MB21D2: variants seen among roughly 807,000 people sequenced by gnomAD.
The protein encoded by MB21D2 is Mab-21 domain containing 2.
MB21D2 carries 9 observed loss-of-function variants against 33.3 expected under a neutral mutation model. The observed-to-expected ratio is 0.27, with a 90% CI of 0.16 to 0.47. The LOEUF (loss-of-function observed/expected upper bound fraction) is 0.47, where lower values mean the gene tolerates loss of function less well. MB21D2 is among the 20% of genes least tolerant of loss of function. The pLI is 0.99. For missense variants in MB21D2, 540 were observed against 624.6 expected (o/e 0.86, Z 1.44); for synonymous variants, 241 against 236.3 (o/e 1.02, Z -0.18).
At chr3:192,806,624 G>A (rs1283401693) in intron 1 of MB21D2, among the ~76,000 whole-genome samples, 3 of 152,112 alleles carry the variant, frequency 2.0e-5, no homozygotes, top group Non-Finnish European at 4.4e-5. Flanking sequence ...TAGATTAGAA[G>A]GCACCCGCTT....
chr3:192,875,467 C>CTTG lies in MB21D2; in HGVS notation c.211+42160_211+42162dup, dbSNP rs1020765367. Among the ~76,000 whole-genome samples, 11 of 152,022 alleles carry CTTG rather than the reference C, an allele frequency of 7.2e-5. No individual in the cohort carries two copies. The South Asian group carries it at 1.0e-3, about 14-fold the overall frequency. ...AAAAGAACATAAAGCTTGAATTTTT[C>CTTG]TTGTTGTTGTTGTTGTTTTAGAAAG... On this transcript the variant is annotated intron_variant, in intron 1 of 1. Coordinates refer to ENST00000392452, the MANE Select transcript of MB21D2 (RefSeq NM_178496.4).
At chr3:192,856,174 A>C (rs776393443) in intron 1 of MB21D2, among the ~76,000 whole-genome samples, 1 of 152,040 alleles carries the variant, frequency 6.6e-6, no homozygotes, top group African/African-American at 2.4e-5. Context: ...TCAGGAGGAG[A>C]CTCTGATTGC....
chr3:192,829,947 T>C (rs1246364469), intron 1 of MB21D2, among the ~76,000 whole-genome samples: 1 of 152,182 alleles, frequency 6.6e-6, no homozygotes, highest in Non-Finnish European at 1.5e-5. Flanking sequence ...AGGCTAGTCT[T>C]GAACTCTTGG....
At chr3:192,824,003 A>C (rs977015323) in intron 1 of MB21D2, among the ~76,000 whole-genome samples, 9 of 152,240 alleles carry the variant, frequency 5.9e-5, no homozygotes, top group Non-Finnish European at 8.8e-5. Flanking sequence ...CTCAGTGAGT[A>C]CAAAAGACAA....
intron 1 of MB21D2, among the ~76,000 whole-genome samples, chr3:192,889,486 T>C (rs1326322897): frequency 6.6e-6 from 1 of 152,092 alleles, no homozygotes; most frequent in East Asian, 1.9e-4. Context: ...GATAGTGTTA[T>C]TCTTTTTAAA....
intron 1 of MB21D2, among the ~76,000 whole-genome samples, chr3:192,859,543 A>G (rs943683529): frequency 6.6e-6 from 1 of 152,126 alleles, no homozygotes; most frequent in Non-Finnish European, 1.5e-5. Context: ...AACATCCTAC[A>G]TGCACACTTT....
At chr3:192,827,550 A>T (rs1161318165) in intron 1 of MB21D2, among the ~76,000 whole-genome samples, 2 of 152,134 alleles carry the variant, frequency 1.3e-5, no homozygotes, top group Non-Finnish European at 2.9e-5. Context: ...AAGCCCTGTG[A>T]TGTAGGAATT....
At chr3:192,864,655 C>T (rs974635715) in intron 1 of MB21D2, among the ~76,000 whole-genome samples, 3 of 152,096 alleles carry the variant, frequency 2.0e-5, no homozygotes, top group South Asian at 2.1e-4. Flanking sequence ...TACAGACACC[C>T]GCCACCACGC....
At chr3:192,850,359 C>T (rs150214478) in intron 1 of MB21D2, among the ~76,000 whole-genome samples, 89 of 152,300 alleles carry the variant, frequency 5.8e-4, no homozygotes, top group African/African-American at 2.0e-3. Context: ...AGCAGAGTAA[C>T]AGAGATGTGG....
intron 1 of MB21D2, among the ~76,000 whole-genome samples, chr3:192,888,681 C>T (rs748816791): frequency 3.9e-5 from 6 of 152,094 alleles, no homozygotes; most frequent in African/African-American, 7.3e-5. Flanking sequence ...ATTTATTGTG[C>T]TTTCGAGGTG....
At chr3:192,837,808 A>G (rs1712472419) in intron 1 of MB21D2, among the ~76,000 whole-genome samples, 1 of 152,230 alleles carries the variant, frequency 6.6e-6, no homozygotes, top group South Asian at 2.1e-4. Context: ...CACATATTAT[A>G]GTTGAAAGAA....
At chr3:192,877,014 T>A (rs141266456) in intron 1 of MB21D2, among the ~76,000 whole-genome samples, 1 of 152,008 alleles carries the variant, frequency 6.6e-6, no homozygotes, top group Non-Finnish European at 1.5e-5. Flanking sequence ...GAGTCCACAG[T>A]GAGTAATTAA....
At chr3:192,862,283 T>C (rs1461887057) in intron 1 of MB21D2, among the ~76,000 whole-genome samples, 3 of 152,178 alleles carry the variant, frequency 2.0e-5, no homozygotes, top group African/African-American at 7.2e-5. Flanking sequence ...ACTGGGAACA[T>C]TCAGAAAGGA....
chr3:192,900,471 G>C (rs895275997), intron 1 of MB21D2, among the ~76,000 whole-genome samples: 1 of 152,078 alleles, frequency 6.6e-6, no homozygotes, highest in Non-Finnish European at 1.5e-5. Flanking sequence ...TGGTCAACAG[G>C]GTCAAGTTGG....
At chr3:192,906,248 T>C (rs147330825) in intron 1 of MB21D2, among the ~76,000 whole-genome samples, 36 of 152,260 alleles carry the variant, frequency 2.4e-4, no homozygotes, top group African/African-American at 8.2e-4. Flanking sequence ...CCAACTCTTC[T>C]ACATTCCTCC....
At chr3:192,912,542 G>A (rs767976459) in intron 1 of MB21D2, among the ~76,000 whole-genome samples, 3 of 151,930 alleles carry the variant, frequency 2.0e-5, no homozygotes, top group African/African-American at 7.3e-5. Context: ...GTGTGGTAGC[G>A]GGCGCCTGTA....
chr3:192,830,505 G>C (rs1204866463), intron 1 of MB21D2, among the ~76,000 whole-genome samples: 4 of 152,058 alleles, frequency 2.6e-5, no homozygotes, highest in African/African-American at 7.2e-5. Flanking sequence ...ATAATGCATG[G>C]CTCTTATCTG....
intron 1 of MB21D2, among the ~76,000 whole-genome samples, chr3:192,887,758 T>C (rs1209276389): frequency 6.6e-6 from 1 of 152,136 alleles, no homozygotes; most frequent in Non-Finnish European, 1.5e-5. Context: ...GCATCCTATT[T>C]TTTGAACGCT....
chr3:192,857,312 A>G (rs1364450091), intron 1 of MB21D2, among the ~76,000 whole-genome samples: 1 of 152,220 alleles, frequency 6.6e-6, no homozygotes, highest in Non-Finnish European at 1.5e-5. Context: ...AAGCATTTTT[A>G]TCTGGCTCCC....
Sources: allele counts gnomAD v4.1 joint callset (sites outside exome capture counted in the v4.1 genomes callset), GRCh38; gene constraint gnomAD v4.1.1; transcripts MANE v1.5; gene names NCBI Gene and HGNC (gene_info 2026-07-23, HGNC 2026-07-21).